GLIPR2: variants seen among roughly 807,000 people sequenced by gnomAD.
The protein encoded by GLIPR2 is Golgi-associated plant pathogenesis-related protein 1.
Under a neutral mutation model 20.4 loss-of-function variants are expected in GLIPR2, and 21 were observed. That is an observed-to-expected ratio of 1.03 (90% CI 0.73 to 1.48). The LOEUF (loss-of-function observed/expected upper bound fraction) is 1.48. Among genes scored for constraint, GLIPR2 ranks in the 40% most tolerant of loss-of-function variants. The probability of loss-of-function intolerance (pLI) is 0.00; values close to 1 mark genes in which losing one functional copy is unlikely to be tolerated. For missense variants in GLIPR2, 205 were observed against 200.1 expected (o/e 1.02, Z -0.15); for synonymous variants, 91 against 80.5 (o/e 1.13, Z -0.70).
chr9:36,158,537 G>A (rs556471135), intron 4 of GLIPR2, among the ~76,000 whole-genome samples: 26 of 152,028 alleles, frequency 1.7e-4, no homozygotes, highest in Non-Finnish European at 3.2e-4. Context: ...TCTACTATGT[G>A]CCAGGCCCAG....
intron 4 of GLIPR2, among the ~76,000 whole-genome samples, chr9:36,160,836 G>A (rs536817228): frequency 5.3e-5 from 8 of 152,282 alleles, no homozygotes; most frequent in African/African-American, 1.9e-4. Context: ...GAGGTCAGGA[G>A]TTCAACACCA....
intron 4 of GLIPR2, among the ~76,000 whole-genome samples, chr9:36,155,381 G>A (rs1391825669): frequency 4.0e-5 from 6 of 151,870 alleles, no homozygotes; most frequent in Non-Finnish European, 7.4e-5. Context: ...GATCACTTGA[G>A]GTCAGGAGTT....
In GLIPR2 at chr9:36,142,171, T is replaced by C. The variant is rs111674954; in HGVS notation, c.13+5380T>C. Among the ~76,000 whole-genome samples the C allele has an allele frequency of 6.4e-4, 97 of 152,294 alleles. 1 individual carries two copies. Among genetic ancestry groups the C allele is most frequent in the Middle Eastern group, 3.4e-3 (1 of 292 alleles). ...CTCTTCTCTTCCTTCCTCTCCTTTG[T>C]TCACTTCAGAGATCTGAAGTCAGCT... is the stretch of plus-strand genomic sequence containing the variant. On this transcript the variant is annotated intron_variant, in intron 1 of 4. Coordinates refer to ENST00000377960, the MANE Select transcript of GLIPR2 (RefSeq NM_022343.4).
At chr9:36,161,063 GAA>G (rs1826032809) in intron 4 of GLIPR2, among the ~76,000 whole-genome samples, 1 of 151,980 alleles carries the variant, frequency 6.6e-6, no homozygotes, top group East Asian at 1.9e-4. Context: ...AAAAGAAAAA[GAA>G]AATGATTTTG....
At chr9:36,143,818 G>A (rs936048399) in intron 1 of GLIPR2, among the ~76,000 whole-genome samples, 1 of 152,142 alleles carries the variant, frequency 6.6e-6, no homozygotes, top group Non-Finnish European at 1.5e-5. Flanking sequence ...GCTCCTTTTG[G>A]TCGCCAGAAA....
Position 36,162,428 on chromosome 9 carries a change from A to T in GLIPR2, c.371A>T (p.Asp124Val). 6.2e-7 allele frequency: 1 copy of T among 1,614,124 alleles called. No individual in the cohort carries two copies. The highest frequency in any genetic ancestry group is 8.5e-7 in the Non-Finnish European group (1 of 1,179,996). ...GGCGTGGGGAAGGCGTCCGCAAGTGACGGGTCCTCCTTTGTGGTGGCCAGA... is the reference window on the plus strand; with the variant it reads ...GGCGTGGGGAAGGCGTCCGCAAGTGTCGGGTCCTCCTTTGTGGTGGCCAGA... The part of the protein sequence containing the change: ...KMGVGKASAS[D>V]GSSFVVARYF... The change falls in exon 5 of 5, where the codon GAC (aspartate) becomes GTC (valine). Residue 124 changes from aspartate (D) to valine (V), a missense_variant. Physicochemically the swap from Asp to Val is radical, Grantham distance 152. Coordinates refer to ENST00000377960, the MANE Select transcript of GLIPR2 (RefSeq NM_022343.4).
intron 1 of GLIPR2, among the ~76,000 whole-genome samples, chr9:36,138,294 G>A (rs1052258772): frequency 6.6e-5 from 10 of 151,572 alleles, no homozygotes; most frequent in South Asian, 6.2e-4. Flanking sequence ...GTGCGATCTC[G>A]GCTCACTGCA....
upstream of GLIPR2, chr9:36,136,695 C>T (rs144476246): frequency 1.3e-5 from 13 of 1,020,866 alleles, no homozygotes; most frequent in South Asian, 4.3e-4. The surrounding 1 kb of genome is among the most constrained non-coding windows in gnomAD (Gnocchi z 4.3). Context: ...GGCATCAGCC[C>T]GGTCCTGGGC....
Position 36,136,972 on chromosome 9 carries a change from C to T in GLIPR2, c.13+181C>T. The T allele has an allele frequency of 1.6e-6, 1 of 633,910 alleles. No homozygotes were observed. Among genetic ancestry groups the T allele is most frequent in the Non-Finnish European group, 2.3e-6 (1 of 443,442 alleles). 39.3% of individuals were successfully genotyped at this position (633,910 alleles called of 1,614,324 possible). A position where few individuals can be genotyped will look rare whatever the true frequency, so the allele number is the denominator to read the frequency against. On this transcript the variant is annotated intron_variant, in intron 1 of 4. Coordinates refer to ENST00000377960, the MANE Select transcript of GLIPR2 (RefSeq NM_022343.4). This position sits in a 1 kb window ranked among gnomAD's most constrained non-coding sequence, Gnocchi z 4.3. ...CGGGGAACCCGGGGGGAAGGCGAGCCCGAGGGAGGCCCCCGCCGGAGAGCC... is the reference window on the plus strand; with the variant it reads ...CGGGGAACCCGGGGGGAAGGCGAGCTCGAGGGAGGCCCCCGCCGGAGAGCC...
At chr9:36,148,479 C>T in intron 2 of GLIPR2, 68 bp from the exon 3 acceptor site, 1 of 1,148,756 alleles carries the variant, frequency 8.7e-7, no homozygotes, top group Non-Finnish European at 1.3e-6. Flanking sequence ...GCCACACTAG[C>T]TTGGGGCACA....
At chr9:36,162,263 T>C in intron 4 of GLIPR2, 99 bp from the exon 5 acceptor site, 1 of 1,604,250 alleles carries the variant, frequency 6.2e-7, no homozygotes, top group Non-Finnish European at 8.5e-7. Flanking sequence ...GACCTGAGCC[T>C]GGCAAGATGG....
intron 4 of GLIPR2, among the ~76,000 whole-genome samples, chr9:36,156,408 A>T (rs899187665): frequency 2.0e-5 from 3 of 150,518 alleles, no homozygotes; most frequent in Non-Finnish European, 4.4e-5. Flanking sequence ...AAAAAAAAAA[A>T]AAAAGAAATT....
chr9:36,136,751 G>T lies in GLIPR2; in HGVS notation c.-28G>T, dbSNP rs892924573. On this transcript the variant is annotated 5_prime_UTR_variant, in exon 1 of 5. Transcript: ENST00000377960. This position sits in a 1 kb window ranked among gnomAD's most constrained non-coding sequence, Gnocchi z 4.3. The stretch of plus-strand genomic sequence containing the variant: ...GGCGAGCGCAGTGCAGCGCAGCCGC[G>T]GGGAGCGAGGAGCGCGCGGAGCCGG... 67 of 1,279,732 alleles carry T rather than the reference G, an allele frequency of 5.2e-5. 1 individual carries two copies. The Admixed American group carries it at 5.4e-4, about 10-fold the overall frequency. The allele number at this position is 1,279,732 out of a possible 1,614,324, so 79.3% of individuals were successfully genotyped here.
intron 1 of GLIPR2, among the ~76,000 whole-genome samples, chr9:36,137,837 T>A (rs1388268197): frequency 1.3e-5 from 2 of 152,258 alleles, no homozygotes; most frequent in Non-Finnish European, 2.9e-5. Flanking sequence ...CTAGGATCTG[T>A]CCTCCAAGAT....
Position 36,162,481 on chromosome 9 carries a change from G to A in GLIPR2, c.424G>A (p.Glu142Lys). Residue 142 changes from glutamate to lysine, a missense_variant, in exon 5 of 5, where the codon GAG (glutamate) becomes AAG (lysine). By Grantham distance (56) the Glu-to-Lys change is moderately conservative. Coordinates refer to ENST00000377960, the MANE Select transcript of GLIPR2 (RefSeq NM_022343.4). ...RYFPAGNVVN[E>K]GFFEENVLPP... ...CTTCCCAGCGGGGAATGTTGTCAAT[G>A]AGGGCTTCTTCGAAGAAAACGTCCT... 6.2e-7 allele frequency: 1 copy of A among 1,614,204 alleles called. No individual in the cohort carries two copies. The highest frequency in any genetic ancestry group is 8.5e-7 in the Non-Finnish European group (1 of 1,180,032).
At chr9:36,162,036 G>A (rs1587165225) in intron 4 of GLIPR2, among the ~76,000 whole-genome samples, 1 of 152,094 alleles carries the variant, frequency 6.6e-6, no homozygotes, top group South Asian at 2.1e-4. Context: ...TTAGCTGGGC[G>A]TGGTGGCATG....
rs982911005 is a variant in GLIPR2, at chr9:36,150,767, T to G, written c.227-105T>G. The G allele has an allele frequency of 3.9e-6, 3 of 764,368 alleles. No homozygotes were observed. The African/African-American group carries it at 5.2e-5, about 13-fold the overall frequency. 47.3% of individuals were successfully genotyped at this position (764,368 alleles called of 1,614,324 possible). A position where few individuals can be genotyped will look rare whatever the true frequency, so the allele number is the denominator to read the frequency against. Reference sequence around the variant, plus strand: ...CAGCTGACTGGGGCTTTCTCAGATGTCTAATTGCCGCATTGGTGGCTTGGG... The same window carrying G: ...CAGCTGACTGGGGCTTTCTCAGATGGCTAATTGCCGCATTGGTGGCTTGGG... On this transcript the variant is annotated intron_variant, in intron 3 of 4. Transcript: ENST00000377960.
In GLIPR2 at chr9:36,147,856, A is replaced by G; in HGVS notation, c.84A>G (p.Pro28=). 2 of 1,593,312 alleles carry G rather than the reference A, an allele frequency of 1.3e-6. No homozygotes were observed. The highest frequency in any genetic ancestry group is 2.2e-5 in the East Asian group (1 of 44,768). ...ACCGGCAGAAGCACGGCGTCCCCCC[A>G]CTGAAGCTCTGCAAGAACCTCAACC... is the stretch of plus-strand genomic sequence containing the variant. ...NEYRQKHGVP[P]LKLCKNLNRE... The change falls in exon 2 of 5, where the codon CCA becomes CCG. Residue 28 remains proline (P), a synonymous_variant. Coordinates refer to ENST00000377960, the MANE Select transcript of GLIPR2 (RefSeq NM_022343.4).
intron 1 of GLIPR2, 88 bp from the exon 2 acceptor site, chr9:36,147,698 G>GCT: frequency 1.3e-6 from 1 of 752,784 alleles, no homozygotes; most frequent in South Asian, 1.4e-5. Context: ...CCTAAGGTTT[G>GCT]AGCTGGGTGT....
Sources: allele counts gnomAD v4.1 joint callset (sites outside exome capture counted in the v4.1 genomes callset), GRCh38; gene constraint gnomAD v4.1.1; non-coding constraint Gnocchi (gnomAD v3.1); transcripts MANE v1.5; gene names NCBI Gene and HGNC (gene_info 2026-07-23, HGNC 2026-07-21).